Variants in ERC2 observed in about 807,000 individuals in gnomAD.
ERC2 encodes ELKS/RAB6-interacting/CAST family member 2.
Under a neutral mutation model 114.8 loss-of-function variants are expected in ERC2, and 42 were observed. The observed-to-expected ratio is 0.37, with a 90% CI of 0.29 to 0.47. The LOEUF (loss-of-function observed/expected upper bound fraction) is 0.47. ERC2 is among the 20% of genes least tolerant of loss of function. ERC2 has a pLI of 0.99. For missense variants in ERC2, 939 were observed against 1,150.7 expected, an observed-to-expected ratio of 0.82 and a Z score of 2.66; for synonymous variants, 454 against 425.5, an observed-to-expected ratio of 1.07 and a Z score of -0.82.
intron 11 of ERC2, among the ~76,000 whole-genome samples, chr3:55,988,025 G>A (rs951525178): frequency 6.6e-6 from 1 of 152,082 alleles, no homozygotes; most frequent in Non-Finnish European, 1.5e-5. Flanking sequence ...TCCCATGGGC[G>A]GGATGTGAGA....
intron 4 of ERC2, among the ~76,000 whole-genome samples, chr3:56,151,357 G>A (rs1388571128): frequency 6.6e-6 from 1 of 152,068 alleles, no homozygotes; most frequent in Non-Finnish European, 1.5e-5. Flanking sequence ...GTGAACCATT[G>A]TGCCCAGCCA....
At chr3:55,608,045 A>T (rs1042025506) in intron 17 of ERC2, 1 of 152,208 alleles carries the variant, frequency 6.6e-6, no homozygotes, top group African/African-American at 2.4e-5. Context: ...CAGCAGCTTG[A>T]ATATTGCCCA....
At chr3:55,821,086 C>T (rs1301550602) in intron 14 of ERC2, among the ~76,000 whole-genome samples, 1 of 152,070 alleles carries the variant, frequency 6.6e-6, no homozygotes, top group African/African-American at 2.4e-5. Flanking sequence ...AAAAAGAAAC[C>T]TTCAAAATGA....
At chr3:55,854,707 A>C (rs1195142822) in intron 14 of ERC2, among the ~76,000 whole-genome samples, 1 of 152,230 alleles carries the variant, frequency 6.6e-6, no homozygotes, top group African/African-American at 2.4e-5. Flanking sequence ...ACGGAGCAGC[A>C]GGGCCATTAT....
At chr3:56,109,107 T>C (rs2078822426) in intron 6 of ERC2, among the ~76,000 whole-genome samples, 1 of 152,102 alleles carries the variant, frequency 6.6e-6, no homozygotes, top group African/African-American at 2.4e-5. Flanking sequence ...TATAAATTAT[T>C]TCATCGCCCA....
intron 17 of ERC2, among the ~76,000 whole-genome samples, chr3:55,613,406 C>T (rs551026078): frequency 3.9e-5 from 6 of 152,220 alleles, no homozygotes; most frequent in Non-Finnish European, 7.4e-5. Context: ...TTTTGGGGGG[C>T]GGTGTCACAA....
chr3:56,354,259 G>A (rs2150535127), intron 2 of ERC2, among the ~76,000 whole-genome samples: 1 of 152,340 alleles, frequency 6.6e-6, no homozygotes, highest in Non-Finnish European at 1.5e-5. Context: ...AATGGGGATT[G>A]GCGACCATTC....
intron 15 of ERC2, among the ~76,000 whole-genome samples, chr3:55,713,740 T>C (rs960052527): frequency 6.6e-6 from 1 of 152,204 alleles, no homozygotes; most frequent in Non-Finnish European, 1.5e-5. Flanking sequence ...GCAACCTCCC[T>C]ATAGAGGTGA....
chr3:55,671,456 G>A (rs2061555810), intron 17 of ERC2, among the ~76,000 whole-genome samples: 1 of 152,106 alleles, frequency 6.6e-6, no homozygotes, highest in East Asian at 1.9e-4. Context: ...GCCCTAACTT[G>A]GGACAGTGGT....
At chr3:55,748,543 G>A (rs1338804305) in intron 14 of ERC2, among the ~76,000 whole-genome samples, 1 of 152,164 alleles carries the variant, frequency 6.6e-6, no homozygotes, top group African/African-American at 2.4e-5. Context: ...GATGCCACCA[G>A]ACACAAAGAA....
At chr3:55,878,419 C>T (rs892157105) in intron 14 of ERC2, among the ~76,000 whole-genome samples, 4 of 152,170 alleles carry the variant, frequency 2.6e-5, no homozygotes, top group Middle Eastern at 3.2e-3. Flanking sequence ...ATCTCCCCAT[C>T]CTGCTGTCCT....
chr3:56,070,710 C>T (rs1156541333), intron 7 of ERC2, among the ~76,000 whole-genome samples: 1 of 152,102 alleles, frequency 6.6e-6, no homozygotes, highest in Non-Finnish European at 1.5e-5. Context: ...GTCAAAATGA[C>T]TCTCCAACTT....
At chr3:56,171,972 CAAAAACA>C (rs1421554356) in intron 4 of ERC2, among the ~76,000 whole-genome samples, 1 of 59,592 alleles carries the variant, frequency 1.7e-5, no homozygotes, top group Middle Eastern at 0.01. Context: ...TCACCCTTTG[CAAAAACA>C]AAAAACAAAA....
chr3:56,449,556 A>C (rs2062738032), intron 1 of ERC2, among the ~76,000 whole-genome samples: 2 of 152,234 alleles, frequency 1.3e-5, no homozygotes, highest in Admixed American at 6.5e-5. Flanking sequence ...ACAATTCTGT[A>C]ATTGTAGCCA....
At chr3:55,596,875 A>T (rs990272391) in intron 17 of ERC2, among the ~76,000 whole-genome samples, 1 of 152,208 alleles carries the variant, frequency 6.6e-6, no homozygotes, top group African/African-American at 2.4e-5. Flanking sequence ...GATTATGAGG[A>T]TTTTAATGCT....
intron 6 of ERC2, among the ~76,000 whole-genome samples, chr3:56,110,509 T>C (rs960244011): frequency 4.6e-5 from 7 of 152,106 alleles, no homozygotes; most frequent in Non-Finnish European, 1.0e-4. Flanking sequence ...ATTTAAAAAC[T>C]CAAAACCCTG....
chr3:56,262,410 G>A (rs2053000462), intron 3 of ERC2, among the ~76,000 whole-genome samples: 1 of 152,156 alleles, frequency 6.6e-6, no homozygotes, highest in African/African-American at 2.4e-5. Flanking sequence ...CAAAGATGAT[G>A]GCAGAAGAGG....
chr3:56,091,631 C>T (rs1238065824), intron 6 of ERC2, among the ~76,000 whole-genome samples: 6 of 152,126 alleles, frequency 3.9e-5, no homozygotes, highest in African/African-American at 1.4e-4. Context: ...TGTTTCGATG[C>T]AGCTCTCTGA....
chr3:55,899,736 A>C (rs1341067477), intron 13 of ERC2, among the ~76,000 whole-genome samples: 1 of 152,176 alleles, frequency 6.6e-6, no homozygotes, highest in Admixed American at 6.5e-5. Flanking sequence ...TATTCGTAGG[A>C]GAAAAGACTA....
Sources: allele counts gnomAD v4.1 joint callset (sites outside exome capture counted in the v4.1 genomes callset), GRCh38; gene constraint gnomAD v4.1.1; transcripts MANE v1.5; gene names NCBI Gene and HGNC (gene_info 2026-07-23, HGNC 2026-07-21).